Variants in RPTOR observed in about 807,000 individuals in gnomAD.
RPTOR encodes the protein regulatory-associated protein of mTOR.
A neutral mutation model predicts 169.9 loss-of-function variants in RPTOR; 21 were observed. The observed-to-expected ratio is 0.12, with a 90% CI of 0.09 to 0.18. The LOEUF (loss-of-function observed/expected upper bound fraction) is 0.18, where lower values mean the gene tolerates loss of function less well. Ranked by LOEUF, RPTOR falls within the 10% of genes least tolerant of loss-of-function variation. The pLI is 1.00. For missense variants in RPTOR, 1,133 were observed against 1,855.9 expected, an observed-to-expected ratio of 0.61 and a Z score of 7.16; for synonymous variants, 732 against 753.2, an observed-to-expected ratio of 0.97 and a Z score of 0.46.
intron 13 of RPTOR, among the ~76,000 whole-genome samples, chr17:80,875,650 C>G (rs1013105817): frequency 1.3e-5 from 2 of 152,126 alleles, no homozygotes; most frequent in Non-Finnish European, 2.9e-5. Flanking sequence ...CATCTGAGCC[C>G]CGAGTCTCTG....
intron 6 of RPTOR, among the ~76,000 whole-genome samples, chr17:80,771,201 C>T (rs186156982): frequency 2.0e-5 from 3 of 152,304 alleles, no homozygotes; most frequent in African/African-American, 7.2e-5. Flanking sequence ...TGCACTTGGA[C>T]GTATGTTCTC....
chr17:80,680,078 C>A (rs2065887262), intron 3 of RPTOR, among the ~76,000 whole-genome samples: 1 of 151,656 alleles, frequency 6.6e-6, no homozygotes, highest in Non-Finnish European at 1.5e-5. Flanking sequence ...GTCACAGTTA[C>A]TTGTTTTTCC....
chr17:80,896,970 A>C (rs977645327), intron 20 of RPTOR, among the ~76,000 whole-genome samples: 9 of 152,352 alleles, frequency 5.9e-5, no homozygotes, highest in African/African-American at 2.2e-4. Context: ...AAAAGAAAGA[A>C]TGCCAGTGGG....
intron 17 of RPTOR, among the ~76,000 whole-genome samples, chr17:80,887,539 C>T (rs149946995): frequency 2.2e-3 from 328 of 152,280 alleles, no homozygotes; most frequent in African/African-American, 7.6e-3. Context: ...AGCCTGGCGG[C>T]GTGGAGCCGG....
intron 24 of RPTOR, among the ~76,000 whole-genome samples, chr17:80,927,338 C>T (rs2068822618): frequency 6.6e-6 from 1 of 152,212 alleles, no homozygotes; most frequent in South Asian, 2.1e-4. Flanking sequence ...TTCGCTCTTG[C>T]TGGGATGGCA....
intron 1 of RPTOR, among the ~76,000 whole-genome samples, chr17:80,565,441 G>A (rs2084569876): frequency 6.6e-6 from 1 of 152,240 alleles, no homozygotes; most frequent in Non-Finnish European, 1.5e-5. Context: ...GTGGGCTGGT[G>A]ACTGAAGGAG....
At chr17:80,625,606 C>A in intron 1 of RPTOR, 85 bp from the exon 2 acceptor site, 3 of 1,079,668 alleles carry the variant, frequency 2.8e-6, no homozygotes, top group South Asian at 1.3e-5. Context: ...GCTCAATGTT[C>A]TGGGGGACAT....
intron 3 of RPTOR, among the ~76,000 whole-genome samples, chr17:80,693,720 C>A (rs1441991242): frequency 6.6e-6 from 1 of 152,228 alleles, no homozygotes; most frequent in Non-Finnish European, 1.5e-5. Context: ...GTAGGGTCAG[C>A]CACCCCCTTC....
chr17:80,623,042 A>G (rs1260950633), intron 1 of RPTOR, among the ~76,000 whole-genome samples: 1 of 152,240 alleles, frequency 6.6e-6, no homozygotes, highest in Non-Finnish European at 1.5e-5. Context: ...TCTCGATGTG[A>G]TAAAGATTGT....
At chr17:80,909,044 C>A in intron 21 of RPTOR, 115 bp downstream of exon 21, 1 of 721,208 alleles carries the variant, frequency 1.4e-6, no homozygotes, top group Non-Finnish European at 2.5e-6. Context: ...AGTAACAAAA[C>A]GAGCTTCAGC....
In RPTOR at chr17:80,964,444, T is replaced by C; in HGVS notation, c.*114T>C. On this transcript the variant is annotated 3_prime_UTR_variant, in exon 34 of 34. Coordinates refer to ENST00000306801, the MANE Select transcript of RPTOR (RefSeq NM_020761.3). ...GCCCCGCAGTGTGAACGTTGGCTGCTGCCTTAGCTGCTGATGACGGCAGGA... is the reference window on the plus strand; with the variant it reads ...GCCCCGCAGTGTGAACGTTGGCTGCCGCCTTAGCTGCTGATGACGGCAGGA... 1 of 1,003,196 alleles carries C rather than the reference T, an allele frequency of 1.0e-6. No homozygotes were observed. The highest frequency in any genetic ancestry group is 1.5e-6 in the Non-Finnish European group (1 of 649,124). The allele number at this position is 1,003,196 out of a possible 1,614,324, so 62.1% of individuals were successfully genotyped here.
At chr17:80,761,410 T>C (rs888511975) in intron 6 of RPTOR, among the ~76,000 whole-genome samples, 4 of 152,326 alleles carry the variant, frequency 2.6e-5, no homozygotes, top group African/African-American at 9.6e-5. Flanking sequence ...CTATAAATGT[T>C]AATGATAGAG....
chr17:80,607,701 A>G (rs2065239057), intron 1 of RPTOR, among the ~76,000 whole-genome samples: 1 of 152,082 alleles, frequency 6.6e-6, no homozygotes, highest in South Asian at 2.1e-4. Context: ...CACAGTTTTT[A>G]GCACTGGGTG....
At chr17:80,687,618 C>T (rs138772952) in intron 3 of RPTOR, among the ~76,000 whole-genome samples, 6 of 152,292 alleles carry the variant, frequency 3.9e-5, no homozygotes, top group East Asian at 1.9e-4. Flanking sequence ...TGTTGTACCT[C>T]GGTGTCTGCG....
At chr17:80,857,704 A>G (rs1598356992) in intron 12 of RPTOR, 86 bp from the exon 13 acceptor site, 1 of 818,942 alleles carries the variant, frequency 1.2e-6, no homozygotes, top group African/African-American at 1.7e-5. Flanking sequence ...TGAAGATAGC[A>G]CCGCAGCTGG....
chr17:80,587,129 C>T (rs904727710), intron 1 of RPTOR, among the ~76,000 whole-genome samples: 1 of 151,130 alleles, frequency 6.6e-6, no homozygotes, highest in Non-Finnish European at 1.5e-5. Context: ...CTCACCGGCC[C>T]GGCGCAGCCC....
intron 13 of RPTOR, among the ~76,000 whole-genome samples, chr17:80,874,743 A>G (rs1293954888): frequency 6.6e-6 from 1 of 152,122 alleles, no homozygotes; most frequent in Non-Finnish European, 1.5e-5. Flanking sequence ...CGCTGCACAT[A>G]TCAACATCTC....
chr17:80,633,296 G>A lies in RPTOR; in HGVS notation c.265+7503G>A, dbSNP rs1035470855. Among the ~76,000 whole-genome samples the A allele has an allele frequency of 4.6e-5, 7 of 152,190 alleles. No individual in the cohort carries two copies. Among genetic ancestry groups the A allele is most frequent in the Admixed American group, 1.3e-4 (2 of 15,284 alleles). ...AAAATCAAGGAGCATTCGCGTGGAC[G>A]TGTGACTGCCACGTAAGCGTCCGCT... On this transcript the variant is annotated intron_variant, in intron 2 of 33. Transcript: ENST00000306801. The surrounding 1 kb of genome is among the most constrained non-coding windows in gnomAD (Gnocchi z 4.1).
intron 7 of RPTOR, among the ~76,000 whole-genome samples, chr17:80,816,260 G>T (rs2067322337): frequency 6.6e-6 from 1 of 152,250 alleles, no homozygotes; most frequent in African/African-American, 2.4e-5. Context: ...CTGGACGCCT[G>T]GCAGGCCTGG....
Sources: allele counts gnomAD v4.1 joint callset (sites outside exome capture counted in the v4.1 genomes callset), GRCh38; gene constraint gnomAD v4.1.1; non-coding constraint Gnocchi (gnomAD v3.1); transcripts MANE v1.5; gene names NCBI Gene and HGNC (gene_info 2026-07-23, HGNC 2026-07-21).